Variants in KCNJ12 observed in about 807,000 individuals in gnomAD.
The protein encoded by KCNJ12 is ATP-sensitive inward rectifier potassium channel 12.
KCNJ12 carries 2 observed loss-of-function variants against 22.3 expected under a neutral mutation model. That is an observed-to-expected ratio of 0.09 (90% CI 0.04 to 0.28). The LOEUF (loss-of-function observed/expected upper bound fraction) is 0.28. KCNJ12 is among the 10% of genes least tolerant of loss of function. KCNJ12 has a pLI of 1.00. For synonymous variants in KCNJ12, 117 were observed against 261.4 expected (o/e 0.45, Z 5.33); for missense variants, 155 against 633.3 (o/e 0.24, Z 8.11).
intron 1 of KCNJ12, among the ~76,000 whole-genome samples, chr17:21,383,400 C>G (rs1427701528): frequency 2.0e-5 from 3 of 151,398 alleles, no homozygotes; most frequent in Non-Finnish European, 4.4e-5. Flanking sequence ...TGGGGGGCGC[C>G]GAGGCCAGAG....
intron 2 of KCNJ12, among the ~76,000 whole-genome samples, chr17:21,414,190 A>C (rs1327632308): frequency 1.3e-5 from 2 of 152,278 alleles, no homozygotes; most frequent in Non-Finnish European, 1.5e-5. Flanking sequence ...GGACAACAAG[A>C]AGCAAAAGAG....
chr17:21,389,285 C>T (rs1201083994), intron 1 of KCNJ12, among the ~76,000 whole-genome samples: 1 of 152,204 alleles, frequency 6.6e-6, no homozygotes, highest in Non-Finnish European at 1.5e-5. Flanking sequence ...CTTTCTTGCC[C>T]CTAGACCAAG....
intron 1 of KCNJ12, among the ~76,000 whole-genome samples, chr17:21,395,506 G>A (rs7224556): frequency 0.17 from 24,680 of 145,486 alleles, 6,204 homozygotes; most frequent in African/African-American, 0.56. Context: ...GCTTGCACCC[G>A]GGATGCGGAC....
intron 1 of KCNJ12, among the ~76,000 whole-genome samples, chr17:21,397,679 C>T (rs1905415929): frequency 6.6e-6 from 1 of 152,166 alleles, no homozygotes; most frequent in Admixed American, 6.5e-5. Flanking sequence ...GGCCCAGAGT[C>T]CACTGGTTTG....
chr17:21,394,602 C>T (rs1181331272), intron 1 of KCNJ12, among the ~76,000 whole-genome samples: 1 of 152,210 alleles, frequency 6.6e-6, no homozygotes, highest in Non-Finnish European at 1.5e-5. Flanking sequence ...CACAGGGCCC[C>T]TGCTCTGTGC....
chr17:21,380,771 G>A (rs1318442669), intron 1 of KCNJ12, among the ~76,000 whole-genome samples: 4 of 152,180 alleles, frequency 2.6e-5, no homozygotes, highest in African/African-American at 7.2e-5. Context: ...GCAGGGCAGC[G>A]AGTTGCTGTA....
At chr17:21,381,268 C>T (rs1904858733) in intron 1 of KCNJ12, among the ~76,000 whole-genome samples, 1 of 152,136 alleles carries the variant, frequency 6.6e-6, no homozygotes, top group Non-Finnish European at 1.5e-5. Flanking sequence ...TTGAAGGACT[C>T]AGGCTTGGAG....
chr17:21,413,145 C>T (rs371559948), intron 2 of KCNJ12, among the ~76,000 whole-genome samples: 148 of 126,256 alleles, frequency 1.2e-3, no homozygotes, highest in Middle Eastern at 3.7e-3. Context: ...GCTCAGAGGC[C>T]GCACCCGCTC....
intron 1 of KCNJ12, among the ~76,000 whole-genome samples, chr17:21,382,643 GT>G (rs1222391392): frequency 3.3e-5 from 5 of 152,170 alleles, no homozygotes; most frequent in Non-Finnish European, 7.3e-5. Flanking sequence ...AGCACTGCCC[GT>G]CCCTCCTCCC....
intron 1 of KCNJ12, among the ~76,000 whole-genome samples, chr17:21,399,695 G>A (rs4985855): frequency 0.23 from 34,773 of 152,124 alleles, 5,022 homozygotes; most frequent in South Asian, 0.39. Flanking sequence ...CAGACTTGGA[G>A]TGACTGTGGT....
intron 1 of KCNJ12, among the ~76,000 whole-genome samples, chr17:21,407,329 C>T (rs1476629583): frequency 6.6e-5 from 10 of 151,334 alleles, no homozygotes; most frequent in Admixed American, 6.6e-4. Context: ...CTCATCCACT[C>T]ATTCACTCCA....
intron 1 of KCNJ12, among the ~76,000 whole-genome samples, chr17:21,396,905 G>A (rs1597565643): frequency 1.3e-5 from 2 of 152,324 alleles, no homozygotes; most frequent in Admixed American, 1.3e-4. Context: ...GGGAGGCTCT[G>A]GCCGGGGGTC....
At chr17:21,409,398 G>C (rs1332124652) in intron 2 of KCNJ12, among the ~76,000 whole-genome samples, 1 of 152,308 alleles carries the variant, frequency 6.6e-6, no homozygotes, top group Admixed American at 6.5e-5. Flanking sequence ...GACCCTATGA[G>C]GAAGGCCCAG....
chr17:21,407,475 T>C (rs1906023577), intron 1 of KCNJ12, among the ~76,000 whole-genome samples: 1 of 151,340 alleles, frequency 6.6e-6, no homozygotes. Flanking sequence ...ATTCACTTCT[T>C]CACTCACCCA....
chr17:21,388,019 G>A (rs782264227), intron 1 of KCNJ12, among the ~76,000 whole-genome samples: 1 of 152,140 alleles, frequency 6.6e-6, no homozygotes, highest in African/African-American at 2.4e-5. Flanking sequence ...AGTTCTGGCC[G>A]TGAAGATGGC....
rs1217208591 is a variant in KCNJ12, at chr17:21,376,629, C to G, written c.-463C>G. 4.1e-4 allele frequency: 62 copies of G among 151,680 alleles called. No homozygotes were observed. The highest frequency in any genetic ancestry group is 1.4e-3 in the African/African-American group (59 of 41,352). The allele number at this position is 151,680 out of a possible 1,614,324, so 9.4% of individuals were successfully genotyped here. ...CCGGCGGGGGAGGGGGTGGGCCGGC[C>G]GTGCTCACAGCCGGACCGAGGGACC... On this transcript the variant is annotated 5_prime_UTR_variant, in exon 1 of 3. Coordinates refer to ENST00000583088, the MANE Select transcript of KCNJ12 (RefSeq NM_021012.5). The surrounding 1 kb of genome is among the most constrained non-coding windows in gnomAD (Gnocchi z 5.3).
intron 1 of KCNJ12, among the ~76,000 whole-genome samples, chr17:21,399,318 C>T (rs1235334385): frequency 3.9e-5 from 6 of 152,180 alleles, no homozygotes; most frequent in South Asian, 2.1e-4. Flanking sequence ...TAGTCCCCAG[C>T]GTGTCTCCTG....
intron 1 of KCNJ12, among the ~76,000 whole-genome samples, chr17:21,394,783 C>T (rs939756910): frequency 2.0e-5 from 3 of 152,120 alleles, no homozygotes; most frequent in South Asian, 2.1e-4. Flanking sequence ...TGGCGTAAGG[C>T]GTTGGAGGTG....
chr17:21,387,154 TCAAAAACAAAAA>T (rs1309984967), intron 1 of KCNJ12, among the ~76,000 whole-genome samples: 19 of 146,928 alleles, frequency 1.3e-4, no homozygotes, highest in African/African-American at 2.3e-4. Context: ...AGACTCCGTC[TCAAAAACAAAAA>T]CAAAAACAAA....
Sources: allele counts gnomAD v4.1 joint callset (sites outside exome capture counted in the v4.1 genomes callset), GRCh38; gene constraint gnomAD v4.1.1; non-coding constraint Gnocchi (gnomAD v3.1); transcripts MANE v1.5; gene names NCBI Gene and HGNC (gene_info 2026-07-23, HGNC 2026-07-21).